TAB2: variants seen among roughly 807,000 people sequenced by gnomAD.
The protein encoded by TAB2 is TGF-beta-activated kinase 1 and MAP3K7-binding protein 2.
In TAB2, 3 loss-of-function variants were observed where a neutral mutation model predicts 65.0. That is an observed-to-expected ratio of 0.05 (90% CI 0.02 to 0.12). The LOEUF is 0.12. Among genes scored for constraint, TAB2 ranks in the 10% least tolerant of loss-of-function variants. The pLI is 1.00. For missense variants in TAB2, 623 were observed against 840.3 expected (o/e 0.74, Z 3.20); for synonymous variants, 298 against 285.1 (o/e 1.05, Z -0.46).
intron 1 of TAB2, chr6:149,321,474 A>G (rs1263911920): frequency 6.6e-6 from 1 of 152,220 alleles, no homozygotes; most frequent in African/African-American, 2.4e-5. Context: ...CTAAGGAATT[A>G]GAGATTGCTA....
chr6:149,377,921 A>T, intron 2 of TAB2, 97 bp from the exon 3 acceptor site: 1 of 901,220 alleles, frequency 1.1e-6, no homozygotes, highest in Non-Finnish European at 1.8e-6. Flanking sequence ...TTATAATTGT[A>T]TTAGCCAGTC....
chr6:149,218,305 G>C (rs542208628), upstream of TAB2, among the ~76,000 whole-genome samples: 1 of 152,258 alleles, frequency 6.6e-6, no homozygotes, highest in South Asian at 2.1e-4. Flanking sequence ...CTTGCAGAAG[G>C]CCAAAAGAAC....
At chr6:149,392,092 T>C (rs1306937893) in intron 3 of TAB2, among the ~76,000 whole-genome samples, 1 of 150,310 alleles carries the variant, frequency 6.7e-6, no homozygotes, top group Non-Finnish European at 1.5e-5. Flanking sequence ...TTTTTCTTTG[T>C]TTATGCAGAC....
intron 1 of TAB2, among the ~76,000 whole-genome samples, chr6:149,259,563 C>T (rs1280481093): frequency 2.0e-5 from 3 of 152,162 alleles, no homozygotes; most frequent in Admixed American, 6.5e-5. Context: ...AATACCTGCA[C>T]CATTGGTCAG....
In TAB2 at chr6:149,281,555, C is replaced by CAAAAAAA. The variant is rs59196897; in HGVS notation, c.-121+62799_-121+62805dup. 8.4e-4 allele frequency among the ~76,000 whole-genome samples: 59 copies of CAAAAAAA among 70,334 alleles called. 18 individuals are homozygous for CAAAAAAA. Among genetic ancestry groups the CAAAAAAA allele is most frequent in the African/African-American group, 2.0e-3 (40 of 19,642 alleles). The allele number at this position is 70,334 out of a possible 152,430, so 46.1% of individuals were successfully genotyped here. ...TGAACAACACAGCAAGATGCCATCTCAAAAAAAAAAAAAAAAAAAAAAAAA... is the reference window on the plus strand; with the variant it reads ...TGAACAACACAGCAAGATGCCATCTCAAAAAAAAAAAAAAAAAAAAAAAAAAAAAAAA... On this transcript the variant is annotated intron_variant, in intron 1 of 1. Transcript: ENST00000606202.
At chr6:149,267,616 T>TTATGCTG (rs1396502977) in intron 1 of TAB2, among the ~76,000 whole-genome samples, 10 of 152,120 alleles carry the variant, frequency 6.6e-5, no homozygotes, top group Non-Finnish European at 1.3e-4. Context: ...TGCAGTCAGG[T>TTATGCTG]GTCACTAACA....
Position 149,273,133 on chromosome 6 carries a change from A to T in TAB2, c.-121+54357A>T, listed in dbSNP as rs142326998. The stretch of plus-strand genomic sequence containing the variant: ...CTGATCGAGTGGGTAGAGGCCAGGG[A>T]TGCTGTTAAACATCCTACAAGATAC... On this transcript the variant is annotated intron_variant, in intron 1 of 1. Transcript: ENST00000606202. Among the ~76,000 whole-genome samples, 614 of 152,224 alleles carry T rather than the reference A, an allele frequency of 4.0e-3. 5 individuals carry two copies. Among genetic ancestry groups the T allele is most frequent in the African/African-American group, 0.013 (542 of 41,540 alleles).
At chr6:149,275,300 G>GAGAGAAAA (rs1778450011) in intron 1 of TAB2, among the ~76,000 whole-genome samples, 1 of 128,302 alleles carries the variant, frequency 7.8e-6, no homozygotes, top group African/African-American at 3.1e-5. Flanking sequence ...AAGAAAGAAA[G>GAGAGAAAA]AGAAAAAAGA....
At chr6:149,342,027 A>G (rs573342540) in intron 1 of TAB2, among the ~76,000 whole-genome samples, 1 of 121,182 alleles carries the variant, frequency 8.3e-6, no homozygotes, top group Admixed American at 1.0e-4. Flanking sequence ...TTTTTGTTTT[A>G]TATGGCCCTA....
At chr6:149,381,883 A>T (rs992039694) in intron 3 of TAB2, among the ~76,000 whole-genome samples, 2 of 151,896 alleles carry the variant, frequency 1.3e-5, no homozygotes, top group African/African-American at 4.8e-5. Context: ...GTGACTTCTT[A>T]CTTCCCCCAT....
chr6:149,268,186 C>G (rs1778297844), intron 1 of TAB2, among the ~76,000 whole-genome samples: 1 of 152,134 alleles, frequency 6.6e-6, no homozygotes, highest in South Asian at 2.1e-4. Flanking sequence ...TGATGTGGCC[C>G]TCCATCCATA....
chr6:149,254,116 C>CAGGGA (rs1278287679), intron 1 of TAB2, among the ~76,000 whole-genome samples: 2 of 65,622 alleles, frequency 3.0e-5, no homozygotes, highest in East Asian at 8.0e-4. Flanking sequence ...GAAGGAAGGA[C>CAGGGA]AGGGAAGGGA....
Position 149,378,881 on chromosome 6 carries a change from A to G in TAB2, c.966A>G (p.Arg322=). The G allele has an allele frequency of 2.5e-6, 4 of 1,614,162 alleles. No homozygotes were observed. The highest frequency in any genetic ancestry group is 3.4e-6 in the Non-Finnish European group (4 of 1,180,034). The change falls in exon 3 of 7, where the codon CGA becomes CGG. Residue 322 remains arginine (R), a synonymous_variant. Coordinates refer to ENST00000637181, the MANE Select transcript of TAB2 (RefSeq NM_001292034.3). ...TTCAGAATATTTCAACAGGACCTCG[A>G]AAAAACCAGATTGAAATCAAACTTG... ...YNIQNISTGP[R]KNQIEIKLEP...
At chr6:149,281,534 C>A (rs1488706175) in intron 1 of TAB2, among the ~76,000 whole-genome samples, 2 of 82,556 alleles carry the variant, frequency 2.4e-5, no homozygotes, top group African/African-American at 4.8e-5. Flanking sequence ...CCAGCCTGAA[C>A]AACACAGCAA....
intron 1 of TAB2, among the ~76,000 whole-genome samples, chr6:149,274,482 T>G (rs990637858): frequency 2.0e-5 from 3 of 152,220 alleles, no homozygotes; most frequent in Non-Finnish European, 4.4e-5. Context: ...TTTCTACCCT[T>G]TCAAGCAAGT....
Position 149,305,409 on chromosome 6 carries a change from G to A in TAB2, c.-120-72609G>A, listed in dbSNP as rs144563263. On this transcript the variant is annotated intron_variant, in intron 1 of 1. Transcript: ENST00000606202. ...TGCATTAGTTTGTCACTTTGAATAC[G>A]TTTCCTTTTTCAAAGGGCCCTGTCC... 6.7e-4 allele frequency among the ~76,000 whole-genome samples: 102 copies of A among 152,158 alleles called. 1 individual carries two copies. Among genetic ancestry groups the A allele is most frequent in the Admixed American group, 2.1e-3 (32 of 15,280 alleles).
intron 1 of TAB2, among the ~76,000 whole-genome samples, chr6:149,282,970 AT>A (rs895990785): frequency 2.6e-5 from 4 of 151,874 alleles, no homozygotes; most frequent in East Asian, 1.9e-4. Context: ...TAGGGGATCA[AT>A]TTTTTTTTAA....
chr6:149,353,390 C>T (rs1780554046), intron 1 of TAB2, among the ~76,000 whole-genome samples: 2 of 152,190 alleles, frequency 1.3e-5, no homozygotes, highest in Admixed American at 6.5e-5. Context: ...CTTAAGTCTT[C>T]CTCTCCAGCC....
At chr6:149,241,808 G>A (rs1399785498) in intron 1 of TAB2, among the ~76,000 whole-genome samples, 2 of 152,206 alleles carry the variant, frequency 1.3e-5, no homozygotes, top group Non-Finnish European at 2.9e-5. Flanking sequence ...TCAGACTTAA[G>A]GATGGCTTCT....
Sources: allele counts gnomAD v4.1 joint callset (sites outside exome capture counted in the v4.1 genomes callset), GRCh38; gene constraint gnomAD v4.1.1; transcripts MANE v1.5; gene names NCBI Gene and HGNC (gene_info 2026-07-23, HGNC 2026-07-21).